The following RBMS3 variants were observed in gnomAD, a reference collection of about 807,000 sequenced individuals.
RBMS3 encodes RNA binding motif single stranded interacting protein 3, also known as RNA-binding motif, single-stranded-interacting protein 3.
In RBMS3, 27 loss-of-function variants were observed where a neutral mutation model predicts 66.8. The observed-to-expected ratio is 0.40, with a 90% CI of 0.30 to 0.56. The LOEUF (loss-of-function observed/expected upper bound fraction) is 0.56, where lower values mean the gene tolerates loss of function less well. Among genes scored for constraint, RBMS3 ranks in the 20% least tolerant of loss-of-function variants. The probability of loss-of-function intolerance (pLI) is 0.40; values close to 1 mark genes in which losing one functional copy is unlikely to be tolerated. For synonymous variants in RBMS3, 188 were observed against 183.0 expected (o/e 1.03, Z -0.22); for missense variants, 513 against 549.5 (o/e 0.93, Z 0.66).
intron 6 of RBMS3, among the ~76,000 whole-genome samples, chr3:29,789,505 G>A (rs1389845079): frequency 2.6e-5 from 4 of 151,900 alleles, no homozygotes; most frequent in Admixed American, 2.6e-4. Flanking sequence ...GAATCCAAAT[G>A]TTACATTTTC....
chr3:29,351,487 A>G (rs891385970), intron 1 of RBMS3, among the ~76,000 whole-genome samples: 5 of 152,070 alleles, frequency 3.3e-5, no homozygotes, highest in African/African-American at 7.2e-5. Flanking sequence ...TAATTTTACT[A>G]TATATCTACT....
At chr3:30,002,712 G>C (rs563342110) in intron 14 of RBMS3, among the ~76,000 whole-genome samples, 1 of 152,024 alleles carries the variant, frequency 6.6e-6, no homozygotes, top group South Asian at 2.1e-4. Context: ...ATGATTTTAG[G>C]AAGAAATTAA....
chr3:29,630,895 G>T (rs1457645), intron 4 of RBMS3, among the ~76,000 whole-genome samples: 28,501 of 151,840 alleles, frequency 0.19, 2,895 homozygotes, highest in Middle Eastern at 0.29. Flanking sequence ...AGAATTTGGT[G>T]CTGGGTAGCC....
At chr3:29,743,104 G>A (rs2054714237) in intron 5 of RBMS3, among the ~76,000 whole-genome samples, 1 of 152,166 alleles carries the variant, frequency 6.6e-6, no homozygotes, top group South Asian at 2.1e-4. Flanking sequence ...CTAATTTGAT[G>A]GGGTGAGAAT....
intron 4 of RBMS3, among the ~76,000 whole-genome samples, chr3:29,607,570 T>TG (rs556143586): frequency 1.4e-4 from 21 of 151,972 alleles, no homozygotes; most frequent in African/African-American, 4.6e-4. Flanking sequence ...ATAAGCATTT[T>TG]GGGGGGATGC....
chr3:29,808,775 A>G (rs1342567812), intron 6 of RBMS3, among the ~76,000 whole-genome samples: 2 of 151,964 alleles, frequency 1.3e-5, no homozygotes, highest in East Asian at 3.9e-4. Flanking sequence ...ATAAATTATA[A>G]AGAGACAAAA....
chr3:29,705,807 T>C lies in RBMS3; in HGVS notation c.400-33913T>C, dbSNP rs964749365. 4.6e-5 allele frequency among the ~76,000 whole-genome samples: 7 copies of C among 152,196 alleles called. No individual in the cohort carries two copies. In the South Asian group the frequency reaches 8.3e-4, roughly 18 times the overall value. ...AATTCATGCAAATATTAGGAATTAG[T>C]ATTGGTATTCAGATTAAAGAACTAA... On this transcript the variant is annotated intron_variant, in intron 4 of 14. Transcript: ENST00000383767.
chr3:29,939,850 C>T (rs1356276641), intron 11 of RBMS3, among the ~76,000 whole-genome samples: 1 of 151,852 alleles, frequency 6.6e-6, no homozygotes, highest in Non-Finnish European at 1.5e-5. Context: ...ACTCATTTAT[C>T]CAACTACTTG....
chr3:29,867,945 G>A (rs560983179), intron 6 of RBMS3, among the ~76,000 whole-genome samples: 2 of 152,072 alleles, frequency 1.3e-5, no homozygotes, highest in South Asian at 2.1e-4. Context: ...CCATATTAAT[G>A]TATTAAAAAA....
intron 3 of RBMS3, among the ~76,000 whole-genome samples, chr3:29,556,634 A>G (rs1396832505): frequency 6.6e-6 from 1 of 152,046 alleles, no homozygotes; most frequent in African/African-American, 2.4e-5. Context: ...TGAATGAACA[A>G]GGTATTTAGA....
At chr3:29,929,949 T>C (rs111537643) in intron 10 of RBMS3, among the ~76,000 whole-genome samples, 1 of 151,624 alleles carries the variant, frequency 6.6e-6, no homozygotes, top group Non-Finnish European at 1.5e-5. Flanking sequence ...GATAAAGCCA[T>C]TGGAAGTCAT....
At chr3:29,507,391 G>T (rs1350167304) in intron 3 of RBMS3, among the ~76,000 whole-genome samples, 1 of 151,920 alleles carries the variant, frequency 6.6e-6, no homozygotes, top group Non-Finnish European at 1.5e-5. Context: ...AATAGAAATG[G>T]CTAAACTCTG....
intron 3 of RBMS3, among the ~76,000 whole-genome samples, chr3:29,535,119 G>T (rs2045504298): frequency 6.6e-6 from 1 of 152,154 alleles, no homozygotes; most frequent in South Asian, 2.1e-4. Flanking sequence ...TCTTTATGAT[G>T]GAATTCCGTT....
chr3:29,306,119 A>G (rs1033223209), intron 1 of RBMS3, among the ~76,000 whole-genome samples: 2 of 151,898 alleles, frequency 1.3e-5, no homozygotes, highest in Non-Finnish European at 2.9e-5. Flanking sequence ...CACAGTATGG[A>G]TATTTGATTT....
intron 10 of RBMS3, among the ~76,000 whole-genome samples, chr3:29,907,890 A>G (rs2060418645): frequency 6.6e-6 from 1 of 152,066 alleles, no homozygotes; most frequent in African/African-American, 2.4e-5. Context: ...CAGTTTAAAA[A>G]ATAATCTATT....
intron 4 of RBMS3, among the ~76,000 whole-genome samples, chr3:29,718,370 T>G (rs149856842): frequency 1.2e-4 from 19 of 152,060 alleles, no homozygotes; most frequent in African/African-American, 4.6e-4. Flanking sequence ...AAAATTTTAG[T>G]GCATTAAGTT....
At chr3:29,625,788 T>G (rs2049043316) in intron 4 of RBMS3, among the ~76,000 whole-genome samples, 1 of 152,110 alleles carries the variant, frequency 6.6e-6, no homozygotes, top group African/African-American at 2.4e-5. Context: ...ATCCATCAGC[T>G]TTGACAGCTT....
At chr3:29,531,621 C>A (rs1161908574) in intron 3 of RBMS3, among the ~76,000 whole-genome samples, 1 of 152,078 alleles carries the variant, frequency 6.6e-6, no homozygotes, top group Admixed American at 6.6e-5. Context: ...TCCTTGTTTG[C>A]GGCGTCTGAT....
intron 1 of RBMS3, among the ~76,000 whole-genome samples, chr3:29,403,101 G>A (rs1416707097): frequency 1.3e-5 from 2 of 151,736 alleles, no homozygotes; most frequent in African/African-American, 2.4e-5. Context: ...AATCAGACAA[G>A]ATCTGTTCTC....
Sources: gnomAD v4.1 joint callset for allele counts (sites outside exome capture counted in the v4.1 genomes callset) on GRCh38, gnomAD v4.1.1 for gene constraint, MANE v1.5 for transcripts, NCBI Gene and HGNC (gene_info 2026-07-23, HGNC 2026-07-21) for gene names.